USH1G: variants seen among roughly 807,000 people sequenced by gnomAD.
The protein encoded by USH1G is pre-mRNA splicing regulator USH1G.
In USH1G, 27 loss-of-function variants were observed where a neutral mutation model predicts 31.9. That is an observed-to-expected ratio of 0.85 (90% CI 0.62 to 1.17). The LOEUF (loss-of-function observed/expected upper bound fraction) is 1.17, where lower values mean the gene tolerates loss of function less well. Among genes scored for constraint, USH1G ranks in the 50% most tolerant of loss-of-function variants. The probability of loss-of-function intolerance (pLI) is 0.00; values close to 1 mark genes in which losing one functional copy is unlikely to be tolerated. For synonymous variants in USH1G, 266 were observed against 283.2 expected, an observed-to-expected ratio of 0.94 and a Z score of 0.61; for missense variants, 674 against 638.9, an observed-to-expected ratio of 1.05 and a Z score of -0.59.
intron 1 of USH1G, 120 bp downstream of exon 1, chr17:74,922,790 A>G: frequency 8.3e-7 from 1 of 1,206,630 alleles, no homozygotes; most frequent in Non-Finnish European, 1.1e-6. Flanking sequence ...CTCTCCCACA[A>G]ACGCCAGGGT....
Position 74,917,934 on chromosome 17 carries a change from A to C in USH1G, c.*139T>G. The stretch of plus-strand genomic sequence containing the variant: ...ACCCTCAGCTTCAAGGTGCAGACAG[A>C]CTTTCAAAGGAGTCGCCCCAACTGG... On this transcript the variant is annotated 3_prime_UTR_variant, in exon 3 of 3. Transcript: ENST00000614341. 1 of 1,102,440 alleles carries C rather than the reference A, an allele frequency of 9.1e-7. No homozygotes were observed. Among genetic ancestry groups the C allele is most frequent in the Non-Finnish European group, 1.4e-6 (1 of 735,990 alleles). 68.3% of individuals were successfully genotyped at this position (1,102,440 alleles called of 1,614,324 possible).
At position 74,918,127 on chromosome 17, in the gene USH1G, G is replaced by A; in HGVS notation, c.1383-51C>T. Reference sequence around the variant, plus strand: ...CAGATCTCACATGAGGCCCTCCAGAGGCATCATTTTCACCCAGGGCAGCCA... The same window carrying A: ...CAGATCTCACATGAGGCCCTCCAGAAGCATCATTTTCACCCAGGGCAGCCA... On this transcript the variant is annotated intron_variant, in intron 2 of 2. Transcript: ENST00000614341. The surrounding 1 kb of genome is among the most constrained non-coding windows in gnomAD (Gnocchi z 4.1). 1 of 1,611,604 alleles carries A rather than the reference G, an allele frequency of 6.2e-7. No homozygotes were observed. Among genetic ancestry groups the A allele is most frequent in the Non-Finnish European group, 8.5e-7 (1 of 1,178,814 alleles).
Position 74,918,333 on chromosome 17 carries a change from T to TGTTGGGC in USH1G, c.1383-264_1383-258dup, listed in dbSNP as rs2038890987. Among the ~76,000 whole-genome samples the TGTTGGGC allele has an allele frequency of 6.6e-6, 1 of 152,070 alleles. No homozygotes were observed. The highest frequency in any genetic ancestry group is 6.6e-5 in the Admixed American group (1 of 15,254). Reference sequence around the variant, plus strand: ...CCTAAGAGGAAATGAGGACAAAGTTTGTTGGGCCTGTGGGATGCCATTGGG... The same window carrying TGTTGGGC: ...CCTAAGAGGAAATGAGGACAAAGTTTGTTGGGCGTTGGGCCTGTGGGATGCCATTGGG... On this transcript the variant is annotated intron_variant, in intron 2 of 2. Coordinates refer to ENST00000614341, the MANE Select transcript of USH1G (RefSeq NM_173477.5). This position sits in a 1 kb window ranked among gnomAD's most constrained non-coding sequence, Gnocchi z 4.1.
rs1213446236 is a variant in USH1G, at chr17:74,918,027, T to A, written c.*46A>T. 23 of 1,613,648 alleles carry A rather than the reference T, an allele frequency of 1.4e-5. No individual in the cohort carries two copies. Among genetic ancestry groups the A allele is most frequent in the Non-Finnish European group, 1.9e-5 (22 of 1,179,806 alleles). ...AGGACCTCGAGACCCCACCATAGGT[T>A]GTGGCAACTTGCAATTCATTTTGGT... is the stretch of plus-strand genomic sequence containing the variant. On this transcript the variant is annotated 3_prime_UTR_variant, in exon 3 of 3. Coordinates refer to ENST00000614341, the MANE Select transcript of USH1G (RefSeq NM_173477.5). The surrounding 1 kb of genome is among the most constrained non-coding windows in gnomAD (Gnocchi z 4.1).
intron 1 of USH1G, 47 bp downstream of exon 1, chr17:74,922,863 T>C (rs1251225318): frequency 7.9e-6 from 12 of 1,522,812 alleles, no homozygotes; most frequent in Non-Finnish European, 1.1e-5. Context: ...CGAGGAAGTT[T>C]GGGGTGGTCT....
rs773231689 is a variant in USH1G, at chr17:74,920,094, G to A, written c.742C>T (p.Gln248Ter). 1.1e-5 allele frequency: 17 copies of A among 1,604,312 alleles called. No homozygotes were observed. The Admixed American group carries it at 2.2e-4, about 20-fold the overall frequency. ...RKSARSLSGLQLGSDVMFVRQ... is the reference protein window; with the variant it reads ...RKSARSLSGL ...ACGAACATCACGTCGCTGCCCAGCT[G>A]CAGGCCCGAGAGCGAGCGGGCGCTC... is the stretch of plus-strand genomic sequence containing the variant. Residue 248 changes from glutamine to a stop codon, truncating the protein, a stop_gained, in exon 2 of 3, where the codon CAG (glutamine) becomes TAG (stop). Transcript: ENST00000614341. LOFTEE classifies it high-confidence loss of function. This position sits in a 1 kb window ranked among gnomAD's most constrained non-coding sequence, Gnocchi z 5.2.
rs1247865819 is a variant in USH1G at position 74,920,052 on chromosome 17, C to T, written c.784G>A (p.Ala262Thr). 8.1e-6 allele frequency: 13 copies of T among 1,609,424 alleles called. No homozygotes were observed. Among genetic ancestry groups the T allele is most frequent in the East Asian group, 2.2e-5 (1 of 44,864 alleles). ...GCTCGGCCCCACTCCTTGGGATTGG[C>T]GTAGGTGCCCTGGCGCACGAACATC... ...DVMFVRQGTY[A>T]NPKEWGRAPL... The change falls in exon 2 of 3, where the codon GCC becomes ACC. Residue 262 changes from alanine (A) to threonine (T), a missense_variant. Physicochemically the swap from Ala to Thr is moderately conservative, Grantham distance 58 (BLOSUM62 0). Coordinates refer to ENST00000614341, the MANE Select transcript of USH1G (RefSeq NM_173477.5). This position sits in a 1 kb window ranked among gnomAD's most constrained non-coding sequence, Gnocchi z 5.2.
rs552665867 is a variant in USH1G at position 74,917,690 on chromosome 17, G to A, written c.*383C>T. 1.2e-5 allele frequency: 4 copies of A among 324,448 alleles called. No individual in the cohort carries two copies. The highest frequency in any genetic ancestry group is 8.4e-5 in the African/African-American group (4 of 47,774). 20.1% of individuals were successfully genotyped at this position (324,448 alleles called of 1,614,324 possible). A position where few individuals can be genotyped will look rare whatever the true frequency, so the allele number is the denominator to read the frequency against. On this transcript the variant is annotated 3_prime_UTR_variant, in exon 3 of 3. Coordinates refer to ENST00000614341, the MANE Select transcript of USH1G (RefSeq NM_173477.5). ...AAGAGAACAAGACCATCAGGGGAGG[G>A]GTGGGAGAGGCCACGGCGCCCGGGA...
Position 74,920,152 on chromosome 17 carries a change from T to G in USH1G, c.684A>C (p.Glu228Asp). The G allele has an allele frequency of 1.2e-6, 2 of 1,602,102 alleles. No individual in the cohort carries two copies. Among genetic ancestry groups the G allele is most frequent in the Non-Finnish European group, 1.7e-6 (2 of 1,179,812 alleles). ...CATCCTCGGAGACCTTGAAGGTGCC[T>G]TCGCCGCCCTGCTTGCGCCGCTCCA... ...KKLERRKQGG[E>D]GTFKVSEDGR... Residue 228 changes from glutamate (E) to aspartate (D), a missense_variant, in exon 2 of 3, where the codon GAA (glutamate) becomes GAC (aspartate). Coordinates refer to ENST00000614341, the MANE Select transcript of USH1G (RefSeq NM_173477.5). This position sits in a 1 kb window ranked among gnomAD's most constrained non-coding sequence, Gnocchi z 5.2.
rs1018393062 is a variant in USH1G at position 74,917,404 on chromosome 17, C to T, written c.*669G>A. On this transcript the variant is annotated 3_prime_UTR_variant, in exon 3 of 3. Transcript: ENST00000614341. ...GGAGGTTGGAGGAAGACAGGCCAGG[C>T]TCCACCCCTGGATGAGCTGGGAAGG... 2 of 154,312 alleles carry T rather than the reference C, an allele frequency of 1.3e-5. No individual in the cohort carries two copies. Among genetic ancestry groups the T allele is most frequent in the African/African-American group, 4.8e-5 (2 of 41,470 alleles). 9.6% of individuals were successfully genotyped at this position (154,312 alleles called of 1,614,324 possible).
rs759953073 is a variant in USH1G at position 74,920,108 on chromosome 17, G to A, written c.728C>T (p.Ser243Leu). ...VSEDGRKSAR[S>L]LSGLQLGSDV... ...GCTGCCCAGCTGCAGGCCCGAGAGC[G>A]AGCGGGCGCTCTTGCGCCCATCCTC... The change falls in exon 2 of 3, where the codon TCG (serine) becomes TTG (leucine). Residue 243 changes from serine to leucine, a missense_variant. By Grantham distance (145) the Ser-to-Leu change is moderately radical (BLOSUM62 -2). Transcript: ENST00000614341. This position sits in a 1 kb window ranked among gnomAD's most constrained non-coding sequence, Gnocchi z 5.2. 2.5e-6 allele frequency: 4 copies of A among 1,603,148 alleles called. No individual in the cohort carries two copies. Among genetic ancestry groups the A allele is most frequent in the Admixed American group, 1.7e-5 (1 of 59,962 alleles).
Position 74,921,333 on chromosome 17 carries a change from G to A in USH1G, c.165-662C>T, listed in dbSNP as rs1414945139. On this transcript the variant is annotated intron_variant, in intron 1 of 2. Coordinates refer to ENST00000614341, the MANE Select transcript of USH1G (RefSeq NM_173477.5). This position sits in a 1 kb window ranked among gnomAD's most constrained non-coding sequence, Gnocchi z 4.6. ...GGAGGAGGAGGGAAATCAGCTGCCC[G>A]TGCTCCGAAGCCCTCCCTTCCCTAG... is the stretch of plus-strand genomic sequence containing the variant. Among the ~76,000 whole-genome samples, 6 of 151,982 alleles carry A rather than the reference G, an allele frequency of 3.9e-5. No homozygotes were observed. The highest frequency in any genetic ancestry group is 9.7e-5 in the African/African-American group (4 of 41,362).
Position 74,920,669 on chromosome 17 carries a change from C to A in USH1G, c.167G>T (p.Gly56Val), listed in dbSNP as rs767660431. ...ESLRLIVSRG[G>V]DPDKCDIWGN... ...CCAGATGTCACACTTGTCCGGGTCACCCCTGCAGGGAAAGCATTCAGGAGG... is the reference window on the plus strand; with the variant it reads ...CCAGATGTCACACTTGTCCGGGTCAACCCTGCAGGGAAAGCATTCAGGAGG... Residue 56 changes from glycine to valine, a missense_variant and splice_region_variant, in exon 2 of 3, where the codon GGT becomes GTT. Transcript: ENST00000614341. The surrounding 1 kb of genome is among the most constrained non-coding windows in gnomAD (Gnocchi z 5.2). 2 of 1,613,598 alleles carry A rather than the reference C, an allele frequency of 1.2e-6. No homozygotes were observed. The highest frequency in any genetic ancestry group is 8.5e-7 in the Non-Finnish European group (1 of 1,180,026).
rs762354629 is a variant in USH1G at position 74,919,718 on chromosome 17, G to A, written c.1118C>T (p.Pro373Leu). Residue 373 changes from proline (P) to leucine (L), a missense_variant, in exon 2 of 3, where the codon CCC becomes CTC. Transcript: ENST00000614341. This position sits in a 1 kb window ranked among gnomAD's most constrained non-coding sequence, Gnocchi z 4.5. ...CAAGCCTAAATCGAGCTCATCCCAG[G>A]GCAGCTCCTCCCCACAGCTGCGGTC... ...LQDRSCGEEL[P>L]WDELDLGLDE... The A allele has an allele frequency of 1.2e-6, 2 of 1,612,950 alleles. No individual in the cohort carries two copies. The highest frequency in any genetic ancestry group is 1.7e-6 in the Non-Finnish European group (2 of 1,180,018).
chr17:74,919,982 C>G lies in USH1G; in HGVS notation c.854G>C (p.Arg285Pro). Residue 285 changes from arginine (R) to proline (P), a missense_variant, in exon 2 of 3, where the codon CGT (arginine) becomes CCT (proline). Transcript: ENST00000614341. This position sits in a 1 kb window ranked among gnomAD's most constrained non-coding sequence, Gnocchi z 4.5. The part of the protein sequence containing the change: ...MFLSDEDSVS[R>P]ATLAAEPAHS... Reference sequence around the variant, plus strand: ...GGCAGGCTCGGCCGCCAGCGTGGCACGGGAGACGCTGTCCTCGTCCGAGAG... The same window carrying G: ...GGCAGGCTCGGCCGCCAGCGTGGCAGGGGAGACGCTGTCCTCGTCCGAGAG... 1 of 1,612,096 alleles carries G rather than the reference C, an allele frequency of 6.2e-7. No individual in the cohort carries two copies. Among genetic ancestry groups the G allele is most frequent in the South Asian group, 1.1e-5 (1 of 91,052 alleles).
Position 74,919,456 on chromosome 17 carries a change from C to G in USH1G, c.1380G>C (p.Glu460Asp). ...MERPPALEDT[E>D]L is the part of the protein sequence containing the mutation. ...CCCCCGCCAGGCTGGACACTCACAGCTCTGTGTCCTCCAGGGCCGGCGGGC... is the reference window on the plus strand; with the variant it reads ...CCCCCGCCAGGCTGGACACTCACAGGTCTGTGTCCTCCAGGGCCGGCGGGC... Residue 460 changes from glutamate (E) to aspartate (D), a missense_variant and splice_region_variant, in exon 2 of 3, where the codon GAG becomes GAC. Glu to Asp is a conservative substitution (Grantham distance 45). Coordinates refer to ENST00000614341, the MANE Select transcript of USH1G (RefSeq NM_173477.5). The surrounding 1 kb of genome is among the most constrained non-coding windows in gnomAD (Gnocchi z 4.5). 9 of 1,606,608 alleles carry G rather than the reference C, an allele frequency of 5.6e-6. No individual in the cohort carries two copies. Among genetic ancestry groups the G allele is most frequent in the Non-Finnish European group, 7.6e-6 (9 of 1,177,434 alleles).
chr17:74,920,023 C>G lies in USH1G; in HGVS notation c.813G>C (p.Pro271=). 4 of 1,611,514 alleles carry G rather than the reference C, an allele frequency of 2.5e-6. No individual in the cohort carries two copies. The highest frequency in any genetic ancestry group is 3.4e-6 in the Non-Finnish European group (4 of 1,179,698). The change falls in exon 2 of 3, where the codon CCG becomes CCC. Residue 271 remains proline (P), a synonymous_variant. Transcript: ENST00000614341. The surrounding 1 kb of genome is among the most constrained non-coding windows in gnomAD (Gnocchi z 5.2). ...YANPKEWGRA[P]LRDMFLSDED... ...CGTCCGAGAGGAACATGTCCCGGAG[C>G]GGGGCTCGGCCCCACTCCTTGGGAT... is the stretch of plus-strand genomic sequence containing the variant.
intron 1 of USH1G, 34 bp downstream of exon 1, chr17:74,922,876 G>A (rs1276844313): frequency 1.3e-6 from 2 of 1,534,348 alleles, no homozygotes; most frequent in Admixed American, 2.0e-5. Flanking sequence ...GGTGGTCTCA[G>A]GGGCCTCAAG....
Position 74,920,396 on chromosome 17 carries a change from A to G in USH1G, c.440T>C (p.Ile147Thr), listed in dbSNP as rs1209164181. Residue 147 changes from isoleucine to threonine, a missense_variant, in exon 2 of 3, where the codon ATC becomes ACC. By Grantham distance (89) the Ile-to-Thr change is moderately conservative. Transcript: ENST00000614341. The surrounding 1 kb of genome is among the most constrained non-coding windows in gnomAD (Gnocchi z 5.2). ...DKAFREAERR[I>T]RECAKLQRRH... ...CCGCTGCAGCTTGGCGCACTCGCGGATGCGCCGCTCCGCCTCGCGGAAGGC... is the reference window on the plus strand; with the variant it reads ...CCGCTGCAGCTTGGCGCACTCGCGGGTGCGCCGCTCCGCCTCGCGGAAGGC... 6.2e-7 allele frequency: 1 copy of G among 1,613,210 alleles called. No individual in the cohort carries two copies. The highest frequency in any genetic ancestry group is 1.7e-5 in the Admixed American group (1 of 60,012).
Sources: gnomAD v4.1 joint callset for allele counts (sites outside exome capture counted in the v4.1 genomes callset) on GRCh38, gnomAD v4.1.1 for gene constraint, Gnocchi (gnomAD v3.1) non-coding constraint, MANE v1.5 for transcripts, NCBI Gene and HGNC (gene_info 2026-07-23, HGNC 2026-07-21) for gene names.